Variants in KIAA0825 observed in about 807,000 individuals in gnomAD.
The protein encoded by KIAA0825 is KIAA0825, also known as uncharacterized protein KIAA0825.
A neutral mutation model predicts 147.6 loss-of-function variants in KIAA0825; 119 were observed. That is an observed-to-expected ratio of 0.81 (90% CI 0.69 to 0.94). The LOEUF is 0.94. KIAA0825 is among the 40% of genes least tolerant of loss of function. The pLI is 0.00. For synonymous variants in KIAA0825, 470 were observed against 518.1 expected, an observed-to-expected ratio of 0.91 and a Z score of 1.26; for missense variants, 1,381 against 1,472.7, an observed-to-expected ratio of 0.94 and a Z score of 1.02.
chr5:94,615,879 T>G lies in KIAA0825; in HGVS notation c.-153+2621A>C, dbSNP rs573493215. Among the ~76,000 whole-genome samples, 45 of 152,196 alleles carry G rather than the reference T, an allele frequency of 3.0e-4. 1 individual carries two copies. Among genetic ancestry groups the G allele is most frequent in the African/African-American group, 1.0e-3 (43 of 41,536 alleles). ...CTCTGTTGTGCAGGCTAGAGTGCAG[T>G]AGTATGATCATAGTTCACTGTGACC... On this transcript the variant is annotated intron_variant, in intron 1 of 20. Coordinates refer to ENST00000682413, the MANE Select transcript of KIAA0825 (RefSeq NM_001145678.3).
intron 20 of KIAA0825, among the ~76,000 whole-genome samples, chr5:94,173,523 CGTT>C (rs1480191987): frequency 1.3e-5 from 2 of 152,094 alleles, no homozygotes; most frequent in Non-Finnish European, 2.9e-5. Flanking sequence ...GGCAGCTCCC[CGTT>C]GTTTGGACTT....
At chr5:94,528,894 A>T (rs187117541) in intron 3 of KIAA0825, among the ~76,000 whole-genome samples, 1 of 151,412 alleles carries the variant, frequency 6.6e-6, no homozygotes, top group East Asian at 1.9e-4. Context: ...GAAATTAGGA[A>T]GAGAAAAGTG....
Position 94,185,994 on chromosome 5 carries a change from C to T in KIAA0825, c.3711-31870G>A, listed in dbSNP as rs544771626. ...ATTACACAATTCCCTTACCTGAAAC[C>T]ATTGAGGTCATTTTCAAAACTCAGA... On this transcript the variant is annotated intron_variant, in intron 20 of 20. Coordinates refer to ENST00000682413, the MANE Select transcript of KIAA0825 (RefSeq NM_001145678.3). 1.5e-4 allele frequency among the ~76,000 whole-genome samples: 23 copies of T among 152,248 alleles called. No homozygotes were observed. In the South Asian group the frequency reaches 4.8e-3, roughly 32 times the overall value.
At chr5:94,499,564 T>C (rs1272422806) in intron 5 of KIAA0825, among the ~76,000 whole-genome samples, 1 of 131,950 alleles carries the variant, frequency 7.6e-6, no homozygotes, top group Non-Finnish European at 1.6e-5. Context: ...TTTTCATATA[T>C]TCATATTTTA....
At chr5:94,294,615 A>T (rs1562353820) in intron 20 of KIAA0825, among the ~76,000 whole-genome samples, 3 of 152,190 alleles carry the variant, frequency 2.0e-5, no homozygotes, top group African/African-American at 7.2e-5. Context: ...AATCCCAGAT[A>T]CTCAGGAGGC....
At chr5:94,268,982 CA>C (rs35009055) in intron 20 of KIAA0825, among the ~76,000 whole-genome samples, 2 of 152,020 alleles carry the variant, frequency 1.3e-5, no homozygotes, top group African/African-American at 4.8e-5. Flanking sequence ...ATAAAATTAG[CA>C]AAACTGTCAA....
chr5:94,359,964 C>A (rs965956570), intron 20 of KIAA0825, among the ~76,000 whole-genome samples: 3 of 152,182 alleles, frequency 2.0e-5, no homozygotes, highest in African/African-American at 7.2e-5. Flanking sequence ...AGAAAAATCA[C>A]TATTCTCCTG....
intron 20 of KIAA0825, among the ~76,000 whole-genome samples, chr5:94,315,651 T>C (rs1779589864): frequency 6.6e-6 from 1 of 151,738 alleles, no homozygotes; most frequent in South Asian, 2.1e-4. Flanking sequence ...TAAATTGTAG[T>C]TATTTTTAAA....
rs1385999121 is a variant in KIAA0825 at position 94,152,229 on chromosome 5, C to A, written c.*1778G>T. Among the ~76,000 whole-genome samples, 1 of 152,162 alleles carries A rather than the reference C, an allele frequency of 6.6e-6. No homozygotes were observed. Among genetic ancestry groups the A allele is most frequent in the Non-Finnish European group, 1.5e-5 (1 of 68,030 alleles). ...AATGTGGCCTCCTCTGCACCCCAAG[C>A]TTTTACTCTTTGAAAAATGCATGAG... On this transcript the variant is annotated 3_prime_UTR_variant, in exon 21 of 21. Transcript: ENST00000682413.
At chr5:94,439,802 AT>A (rs565721601) in intron 14 of KIAA0825, among the ~76,000 whole-genome samples, 179 bp downstream of exon 14, 167 of 152,276 alleles carry the variant, frequency 1.1e-3, no homozygotes, top group African/African-American at 3.8e-3. Flanking sequence ...ATTGAAATAA[AT>A]TTTTTCAAAT....
At chr5:94,410,923 T>C (rs1413099130) in intron 15 of KIAA0825, among the ~76,000 whole-genome samples, 1 of 152,124 alleles carries the variant, frequency 6.6e-6, no homozygotes, top group Non-Finnish European at 1.5e-5. Flanking sequence ...AAGAAGGGTA[T>C]GGAAATGATA....
chr5:94,167,448 G>A (rs1336907936), intron 20 of KIAA0825, among the ~76,000 whole-genome samples: 2 of 152,034 alleles, frequency 1.3e-5, no homozygotes. Flanking sequence ...GTTTTATAAG[G>A]GAGTTACAAG....
intron 20 of KIAA0825, among the ~76,000 whole-genome samples, chr5:94,281,023 G>A (rs1384112490): frequency 6.6e-6 from 1 of 152,010 alleles, no homozygotes; most frequent in African/African-American, 2.4e-5. Flanking sequence ...ATAGAGAGAA[G>A]CCAATCATAA....
intron 20 of KIAA0825, among the ~76,000 whole-genome samples, chr5:94,245,817 A>G (rs1326121159): frequency 1.3e-5 from 2 of 152,086 alleles, no homozygotes; most frequent in African/African-American, 4.8e-5. Context: ...AGAAACCACA[A>G]TTCTTACCAT....
At chr5:94,262,108 G>T (rs1776524596) in intron 20 of KIAA0825, among the ~76,000 whole-genome samples, 1 of 151,910 alleles carries the variant, frequency 6.6e-6, no homozygotes, top group South Asian at 2.1e-4. Context: ...AATCAATAAA[G>T]AATTCTTACA....
At chr5:94,604,393 T>C (rs1787088094) in intron 1 of KIAA0825, among the ~76,000 whole-genome samples, 1 of 152,168 alleles carries the variant, frequency 6.6e-6, no homozygotes, top group African/African-American at 2.4e-5. Flanking sequence ...ACCCTGTCTC[T>C]AGTAAAAATA....
At chr5:94,222,188 TTTATC>T (rs932183424) in intron 20 of KIAA0825, among the ~76,000 whole-genome samples, 5 of 152,168 alleles carry the variant, frequency 3.3e-5, no homozygotes, top group African/African-American at 1.2e-4. Context: ...AGCTAACTGT[TTTATC>T]TAATCAGATA....
intron 14 of KIAA0825, among the ~76,000 whole-genome samples, chr5:94,431,859 C>T (rs1470611950): frequency 6.6e-6 from 1 of 152,132 alleles, no homozygotes; most frequent in Non-Finnish European, 1.5e-5. Context: ...TTGGAGCATA[C>T]TATGCTGGGG....
intron 1 of KIAA0825, among the ~76,000 whole-genome samples, chr5:94,590,847 A>G (rs1417867614): frequency 2.6e-5 from 4 of 152,216 alleles, no homozygotes; most frequent in Admixed American, 2.0e-4. Context: ...AATAATAATA[A>G]CCATAATAAT....
Sources: gnomAD v4.1 joint callset for allele counts (sites outside exome capture counted in the v4.1 genomes callset) on GRCh38, gnomAD v4.1.1 for gene constraint, MANE v1.5 for transcripts, NCBI Gene and HGNC (gene_info 2026-07-23, HGNC 2026-07-21) for gene names.